Variants in GLRA3 observed in about 807,000 individuals in gnomAD.
GLRA3 encodes the protein glycine receptor subunit alpha-3.
In GLRA3, 44 loss-of-function variants were observed where a neutral mutation model predicts 60.4. The ratio of observed to expected loss-of-function variants is 0.73; its 90% CI spans 0.57 to 0.94. GLRA3 has a LOEUF of 0.94. Among genes scored for constraint, GLRA3 ranks in the 40% least tolerant of loss-of-function variants. The probability of loss-of-function intolerance (pLI) is 0.00; values close to 1 mark genes in which losing one functional copy is unlikely to be tolerated. For synonymous variants in GLRA3, 223 were observed against 192.9 expected (o/e 1.16, Z -1.29); for missense variants, 508 against 564.6 (o/e 0.90, Z 1.02).
At chr4:174,749,876 G>A (rs1013528481) in intron 3 of GLRA3, among the ~76,000 whole-genome samples, 1 of 152,070 alleles carries the variant, frequency 6.6e-6, no homozygotes, top group Non-Finnish European at 1.5e-5. Context: ...ATATATGAGT[G>A]TTAGCTCCTT....
chr4:174,729,397 C>A (rs1158426846), intron 3 of GLRA3, among the ~76,000 whole-genome samples: 1 of 151,954 alleles, frequency 6.6e-6, no homozygotes, highest in Non-Finnish European at 1.5e-5. Flanking sequence ...CATGTAAGTT[C>A]TATGAAATAA....
intron 1 of GLRA3, among the ~76,000 whole-genome samples, chr4:174,799,063 A>T (rs1739701371): frequency 6.6e-6 from 1 of 152,238 alleles, no homozygotes; most frequent in African/African-American, 2.4e-5. Context: ...GAAGTGATCT[A>T]ATTTCTACCT....
intron 5 of GLRA3, among the ~76,000 whole-genome samples, chr4:174,687,505 A>T (rs572037656): frequency 8.5e-5 from 13 of 152,312 alleles, no homozygotes; most frequent in Admixed American, 4.6e-4. Flanking sequence ...TGTGAAAAAA[A>T]TGGGTGGAAA....
chr4:174,778,600 C>CGCAGGTCAGTGGGT (rs1469986413), intron 2 of GLRA3, among the ~76,000 whole-genome samples: 1 of 152,074 alleles, frequency 6.6e-6, no homozygotes, highest in Non-Finnish European at 1.5e-5. Flanking sequence ...AGACAGTGGG[C>CGCAGGTCAGTGGGT]GCAGGTCAGT....
chr4:174,784,803 C>T (rs1739054208), intron 2 of GLRA3, among the ~76,000 whole-genome samples: 1 of 151,946 alleles, frequency 6.6e-6, no homozygotes, highest in African/African-American at 2.4e-5. Context: ...TTTAATAGGA[C>T]TAAGATATAA....
chr4:174,763,444 C>T (rs913224549), intron 3 of GLRA3, among the ~76,000 whole-genome samples: 3 of 152,176 alleles, frequency 2.0e-5, no homozygotes, highest in African/African-American at 7.2e-5. Context: ...ACCAATAAAA[C>T]CCCAATCTTT....
chr4:174,757,151 A>G (rs917994002), intron 3 of GLRA3, among the ~76,000 whole-genome samples: 1 of 152,246 alleles, frequency 6.6e-6, no homozygotes, highest in Non-Finnish European at 1.5e-5. Context: ...AAAAAATTGG[A>G]AAAGTACTAG....
chr4:174,712,195 A>G (rs1309099616), intron 5 of GLRA3, among the ~76,000 whole-genome samples: 1 of 152,168 alleles, frequency 6.6e-6, no homozygotes, highest in Non-Finnish European at 1.5e-5. Context: ...AGGATCATTG[A>G]TAGTTTAGAC....
chr4:174,818,641 A>C (rs897396241), intron 1 of GLRA3, among the ~76,000 whole-genome samples: 2 of 152,184 alleles, frequency 1.3e-5, no homozygotes, highest in Non-Finnish European at 2.9e-5. Flanking sequence ...GAATCTTTTC[A>C]ACTGTTTTAA....
chr4:174,804,488 G>C (rs890496730), intron 1 of GLRA3, among the ~76,000 whole-genome samples: 1 of 152,106 alleles, frequency 6.6e-6, no homozygotes, highest in African/African-American at 2.4e-5. Flanking sequence ...AGTAGGGGTG[G>C]AGAAGAGTGG....
chr4:174,675,620 T>A (rs1734089215), intron 7 of GLRA3, among the ~76,000 whole-genome samples: 1 of 152,194 alleles, frequency 6.6e-6, no homozygotes, highest in Non-Finnish European at 1.5e-5. Flanking sequence ...TCTTGCAACG[T>A]TTATCCTTAC....
intron 8 of GLRA3, 72 bp downstream of exon 8, chr4:174,658,982 C>T: frequency 7.5e-7 from 1 of 1,327,826 alleles, no homozygotes. Flanking sequence ...CTTTTCATCT[C>T]TATTAAATAC....
chr4:174,782,968 C>T (rs1014917523), intron 2 of GLRA3, among the ~76,000 whole-genome samples: 5 of 152,150 alleles, frequency 3.3e-5, no homozygotes, highest in Admixed American at 3.3e-4. Context: ...GAAAAAACTA[C>T]TTTAAAGTTC....
At chr4:174,794,171 T>C (rs374332614) in intron 1 of GLRA3, among the ~76,000 whole-genome samples, 61 of 152,170 alleles carry the variant, frequency 4.0e-4, no homozygotes, top group African/African-American at 1.1e-3. Context: ...ATTTTTCTCA[T>C]CTCATACTAA....
chr4:174,811,234 C>T (rs1740261862), intron 1 of GLRA3, among the ~76,000 whole-genome samples: 3 of 149,286 alleles, frequency 2.0e-5, no homozygotes, highest in Admixed American at 6.7e-5. Flanking sequence ...TTTGCTCTGA[C>T]TCTAGCCTAG....
At chr4:174,689,299 C>T (rs562374309) in intron 5 of GLRA3, among the ~76,000 whole-genome samples, 118 of 152,110 alleles carry the variant, frequency 7.8e-4, no homozygotes, top group Non-Finnish European at 1.1e-3. Context: ...GTACTATTTG[C>T]AAGTATTGCA....
chr4:174,678,134 T>TCC (rs1734200831), intron 6 of GLRA3, among the ~76,000 whole-genome samples: 1 of 152,178 alleles, frequency 6.6e-6, no homozygotes, highest in Non-Finnish European at 1.5e-5. Flanking sequence ...TGAAAATAAC[T>TCC]TAAAAACACA....
At chr4:174,709,663 C>T (rs767671933) in intron 5 of GLRA3, among the ~76,000 whole-genome samples, 1 of 152,006 alleles carries the variant, frequency 6.6e-6, no homozygotes, top group Non-Finnish European at 1.5e-5. Context: ...CAAGCAGTTA[C>T]ATGAAACTCT....
intron 1 of GLRA3, among the ~76,000 whole-genome samples, chr4:174,821,740 CA>C (rs1307484782): frequency 6.6e-6 from 1 of 152,028 alleles, no homozygotes; most frequent in Non-Finnish European, 1.5e-5. Flanking sequence ...TTTCATGGGG[CA>C]AAGAACCAAA....
Sources: gnomAD v4.1 joint callset for allele counts (sites outside exome capture counted in the v4.1 genomes callset) on GRCh38, gnomAD v4.1.1 for gene constraint, MANE v1.5 for transcripts, NCBI Gene and HGNC (gene_info 2026-07-23, HGNC 2026-07-21) for gene names.